Variants in ARK2C observed in about 807,000 individuals in gnomAD.
ARK2C encodes the protein arkadia (RNF111) C-terminal like ring finger ubiquitin ligase 2C.
chr18:46,450,427 G>T, the ARK2C span: 1 of 1,490,854 alleles, frequency 6.7e-7, no homozygotes, highest in Non-Finnish European at 9.4e-7. Context: ...GGTACCAACT[G>T]GGTTGGTGGA....
the ARK2C span, among the ~76,000 whole-genome samples, chr18:46,402,517 G>GT: frequency 0.025 from 3,726 of 151,762 alleles, 140 homozygotes; most frequent in African/African-American, 0.085. Flanking sequence ...ACATGTGTGT[G>GT]TTTTTTTTTC....
chr18:46,415,671 A>C, the ARK2C span, among the ~76,000 whole-genome samples: 1 of 152,190 alleles, frequency 6.6e-6, no homozygotes, highest in Non-Finnish European at 1.5e-5. Context: ...CAGGCTCCAG[A>C]TTCCCAACCT....
chr18:46,431,723 C>T, the ARK2C span, among the ~76,000 whole-genome samples: 370 of 152,354 alleles, frequency 2.4e-3, 3 homozygotes, highest in African/African-American at 8.7e-3. Context: ...AAGAAAGTCA[C>T]TGCCTTGCAT....
chr18:46,391,845 C>T, the ARK2C span, among the ~76,000 whole-genome samples: 1 of 151,732 alleles, frequency 6.6e-6, no homozygotes, highest in Non-Finnish European at 1.5e-5. Context: ...ACCACATACC[C>T]TGCACAATAC....
chr18:46,450,290 C>T, the ARK2C span: 3 of 1,606,688 alleles, frequency 1.9e-6, no homozygotes, highest in Admixed American at 1.7e-5. Flanking sequence ...GTTTTCTACC[C>T]AACAGGTCGT....
chr18:46,399,046 A>C, the ARK2C span, among the ~76,000 whole-genome samples: 1 of 152,170 alleles, frequency 6.6e-6, no homozygotes, highest in African/African-American at 2.4e-5. Flanking sequence ...GCAGTTCAAC[A>C]TGGTCCCAGG....
the ARK2C span, chr18:46,435,426 G>A: frequency 2.0e-6 from 3 of 1,511,492 alleles, no homozygotes; most frequent in African/African-American, 1.4e-5. Context: ...GGGGGAGGAA[G>A]GGAGGAAGGG....
the ARK2C span, among the ~76,000 whole-genome samples, chr18:46,366,889 A>T: frequency 6.6e-6 from 1 of 152,214 alleles, no homozygotes; most frequent in South Asian, 2.1e-4. Flanking sequence ...GAGAGCAAAA[A>T]TCCAAGTCCA....
chr18:46,444,721 C>T, the ARK2C span, among the ~76,000 whole-genome samples: 1 of 151,982 alleles, frequency 6.6e-6, no homozygotes, highest in Non-Finnish European at 1.5e-5. Flanking sequence ...GATCCTCCTG[C>T]CTTGGCCTCC....
the ARK2C span, among the ~76,000 whole-genome samples, chr18:46,437,611 C>T: frequency 3.3e-5 from 5 of 152,160 alleles, no homozygotes; most frequent in African/African-American, 1.2e-4. Flanking sequence ...GATATCTTAA[C>T]CCAACCCAAG....
chr18:46,374,544 T>C, the ARK2C span, among the ~76,000 whole-genome samples: 6 of 152,328 alleles, frequency 3.9e-5, no homozygotes, highest in East Asian at 1.2e-3. Flanking sequence ...TTTATTTCAT[T>C]CAGGAGAACG....
the ARK2C span, among the ~76,000 whole-genome samples, chr18:46,396,343 C>G: frequency 6.6e-6 from 1 of 152,102 alleles, no homozygotes; most frequent in East Asian, 1.9e-4. Context: ...GGCTCAGTTC[C>G]TGGAAGCTCG....
chr18:46,418,694 A>G, the ARK2C span, among the ~76,000 whole-genome samples: 1 of 152,254 alleles, frequency 6.6e-6, no homozygotes, highest in African/African-American at 2.4e-5. Context: ...ATATTTGATG[A>G]TTGAATAAGT....
chr18:46,458,393 TTCCC>T, the ARK2C span: 2 of 152,608 alleles, frequency 1.3e-5, no homozygotes, highest in African/African-American at 4.8e-5. Context: ...CCCCCCACTG[TTCCC>T]TCATTTGCAC....
At chr18:46,368,593 T>C in the ARK2C span, among the ~76,000 whole-genome samples, 1 of 152,238 alleles carries the variant, frequency 6.6e-6, no homozygotes, top group Non-Finnish European at 1.5e-5. Context: ...TTCAATTCTG[T>C]TCTTTTCAGG....
the ARK2C span, among the ~76,000 whole-genome samples, chr18:46,405,049 AT>A: frequency 2.3e-4 from 34 of 149,358 alleles, no homozygotes; most frequent in Non-Finnish European, 3.6e-4. Context: ...GACCCCACCA[AT>A]TTTTTTTTTG....
At chr18:46,450,609 T>C in the ARK2C span, 12 of 992,580 alleles carry the variant, frequency 1.2e-5, no homozygotes, top group Non-Finnish European at 1.9e-5. Context: ...TGTGAATGCT[T>C]CCTGCTCATG....
the ARK2C span, among the ~76,000 whole-genome samples, chr18:46,412,795 C>A: frequency 3.3e-5 from 5 of 152,090 alleles, no homozygotes; most frequent in African/African-American, 1.2e-4. Context: ...GGAGTGACCA[C>A]GTTTCATGCT....
chr18:46,359,554 G>C, the ARK2C span, among the ~76,000 whole-genome samples: 1 of 152,196 alleles, frequency 6.6e-6, no homozygotes, highest in Non-Finnish European at 1.5e-5. Context: ...AGAGAGCCAA[G>C]AGAATGTAAG....
Sources: allele counts gnomAD v4.1 joint callset (sites outside exome capture counted in the v4.1 genomes callset), GRCh38; gene constraint gnomAD v4.1.1; transcripts MANE v1.5; gene names NCBI Gene and HGNC (gene_info 2026-07-23, HGNC 2026-07-21).